The following GRIK4 variants were observed in gnomAD, a reference collection of about 807,000 sequenced individuals.
The protein encoded by GRIK4 is glutamate receptor ionotropic, kainate 4.
Under a neutral mutation model 104.9 loss-of-function variants are expected in GRIK4, and 40 were observed. The ratio of observed to expected loss-of-function variants is 0.38; its 90% CI spans 0.30 to 0.50. The LOEUF (loss-of-function observed/expected upper bound fraction) is 0.50. Ranked by LOEUF, GRIK4 falls within the 20% of genes least tolerant of loss-of-function variation. The pLI is 0.93. For synonymous variants in GRIK4, 485 were observed against 524.9 expected, an observed-to-expected ratio of 0.92 and a Z score of 1.04; for missense variants, 1,047 against 1,308.1, an observed-to-expected ratio of 0.80 and a Z score of 3.08.
chr11:120,818,635 C>T (rs538382792), intron 5 of GRIK4, among the ~76,000 whole-genome samples: 1 of 152,218 alleles, frequency 6.6e-6, no homozygotes, highest in Non-Finnish European at 1.5e-5. Context: ...CTCCAGCTGA[C>T]TTCTCCCAAA....
chr11:120,614,535 T>C (rs1949081081), intron 1 of GRIK4, among the ~76,000 whole-genome samples: 2 of 152,126 alleles, frequency 1.3e-5, no homozygotes, highest in Admixed American at 1.3e-4. Flanking sequence ...CCACAGCTGC[T>C]CCTGGCCAAT....
At chr11:120,906,450 T>C (rs1202847999) in intron 13 of GRIK4, among the ~76,000 whole-genome samples, 1 of 152,222 alleles carries the variant, frequency 6.6e-6, no homozygotes, top group Admixed American at 6.5e-5. Flanking sequence ...ACCTTTTAGC[T>C]GGTTGTTAGT....
chr11:120,971,710 C>T (rs986021246), intron 19 of GRIK4, among the ~76,000 whole-genome samples: 11 of 152,100 alleles, frequency 7.2e-5, no homozygotes, highest in African/African-American at 2.2e-4. Flanking sequence ...TCTGGAAGCC[C>T]GGAAGAGGAA....
chr11:120,605,587 C>A (rs1948950100), intron 1 of GRIK4, among the ~76,000 whole-genome samples: 1 of 152,196 alleles, frequency 6.6e-6, no homozygotes, highest in Non-Finnish European at 1.5e-5. Flanking sequence ...TCTTTCAGTC[C>A]AAATTCTACA....
At chr11:120,925,091 G>A (rs1943313746) in intron 13 of GRIK4, among the ~76,000 whole-genome samples, 1 of 152,194 alleles carries the variant, frequency 6.6e-6, no homozygotes, top group Non-Finnish European at 1.5e-5. Context: ...CTGTCTAGCA[G>A]GAGCTGTAGG....
intron 1 of GRIK4, among the ~76,000 whole-genome samples, chr11:120,633,446 G>T (rs1949355741): frequency 6.6e-6 from 1 of 152,202 alleles, no homozygotes; most frequent in Non-Finnish European, 1.5e-5. Flanking sequence ...GTGAGCACAT[G>T]TGTGTGCTCG....
intron 1 of GRIK4, among the ~76,000 whole-genome samples, chr11:120,566,728 G>A (rs1212664943): frequency 1.4e-5 from 2 of 143,350 alleles, no homozygotes; most frequent in South Asian, 2.2e-4. Flanking sequence ...TTTTTGAGAC[G>A]GCGTCTCACT....
intron 6 of GRIK4, among the ~76,000 whole-genome samples, chr11:120,824,673 C>T (rs981526229): frequency 1.3e-5 from 2 of 151,374 alleles, no homozygotes; most frequent in Non-Finnish European, 2.9e-5. Flanking sequence ...CCTCAGTCTC[C>T]CAAGTAGCTG....
rs116159346 is a variant in GRIK4 at position 120,914,216 on chromosome 11, C to T, written c.1476+8723C>T. On this transcript the variant is annotated intron_variant, in intron 13 of 20. Transcript: ENST00000527524. ...GGAGTTCAGGATCTACTCAAAGAGACGGACAGGTAAACCAAGAATTACTGT... is the reference window on the plus strand; with the variant it reads ...GGAGTTCAGGATCTACTCAAAGAGATGGACAGGTAAACCAAGAATTACTGT... Among the ~76,000 whole-genome samples the T allele has an allele frequency of 7.2e-3, 1,102 of 152,306 alleles. 14 individuals are homozygous for T. Among genetic ancestry groups the T allele is most frequent in the African/African-American group, 0.025 (1,028 of 41,542 alleles).
chr11:120,681,686 A>C (rs1187240953), intron 3 of GRIK4, among the ~76,000 whole-genome samples: 3 of 152,198 alleles, frequency 2.0e-5, no homozygotes, highest in African/African-American at 7.2e-5. Context: ...GATTTTAATA[A>C]AGTTTCCAGC....
At chr11:120,634,523 G>C (rs1049596644) in intron 1 of GRIK4, among the ~76,000 whole-genome samples, 3 of 151,998 alleles carry the variant, frequency 2.0e-5, no homozygotes, top group Non-Finnish European at 2.9e-5. Context: ...GGCCTTTCTG[G>C]AAGGAGCCCT....
At chr11:120,856,276 C>T (rs1042297376) in intron 8 of GRIK4, among the ~76,000 whole-genome samples, 1 of 152,210 alleles carries the variant, frequency 6.6e-6, no homozygotes, top group African/African-American at 2.4e-5. Context: ...AAAACTTGTG[C>T]TCTTTCTAAT....
At chr11:120,519,876 T>C (rs562039497) in intron 1 of GRIK4, among the ~76,000 whole-genome samples, 2 of 110,896 alleles carry the variant, frequency 1.8e-5, no homozygotes, top group African/African-American at 8.0e-5. Context: ...TTTTTTTTTT[T>C]TTTGTTTTTT....
intron 13 of GRIK4, among the ~76,000 whole-genome samples, chr11:120,925,349 G>A (rs990355243): frequency 2.6e-4 from 39 of 152,280 alleles, no homozygotes; most frequent in African/African-American, 7.0e-4. Flanking sequence ...GAAACCTGTC[G>A]CCTGGGCTTG....
intron 3 of GRIK4, among the ~76,000 whole-genome samples, chr11:120,686,626 A>G (rs1236198079): frequency 6.6e-6 from 1 of 152,242 alleles, no homozygotes; most frequent in Non-Finnish European, 1.5e-5. Flanking sequence ...AAATATGCTA[A>G]CAGAGGGAAG....
intron 1 of GRIK4, among the ~76,000 whole-genome samples, chr11:120,632,819 G>T (rs1285160552): frequency 6.6e-6 from 1 of 152,036 alleles, no homozygotes; most frequent in Non-Finnish European, 1.5e-5. Context: ...CCACCACTGG[G>T]GAGACTGGAG....
chr11:120,911,027 G>A (rs560124093), intron 13 of GRIK4, among the ~76,000 whole-genome samples: 22 of 152,164 alleles, frequency 1.4e-4, no homozygotes, highest in Non-Finnish European at 3.2e-4. Flanking sequence ...ACATAGGTGG[G>A]TCTCCCTGGA....
intron 3 of GRIK4, among the ~76,000 whole-genome samples, chr11:120,736,787 C>G (rs547974796): frequency 6.6e-5 from 10 of 151,904 alleles, no homozygotes; most frequent in Non-Finnish European, 1.3e-4. Context: ...TCTCTCCCCT[C>G]ACCCTGCCCA....
At chr11:120,546,988 C>T (rs1948091019) in intron 1 of GRIK4, among the ~76,000 whole-genome samples, 1 of 152,204 alleles carries the variant, frequency 6.6e-6, no homozygotes, top group African/African-American at 2.4e-5. Flanking sequence ...CCTGACTGTC[C>T]AGCTTAAGCC....
Sources: gnomAD v4.1 joint callset for allele counts (sites outside exome capture counted in the v4.1 genomes callset) on GRCh38, gnomAD v4.1.1 for gene constraint, MANE v1.5 for transcripts, NCBI Gene and HGNC (gene_info 2026-07-23, HGNC 2026-07-21) for gene names.